HDX: variants seen among roughly 807,000 people sequenced by gnomAD.
The protein encoded by HDX is chromosome X open reading frame 43.
In HDX, 19 loss-of-function variants were observed where a neutral mutation model predicts 45.2. The ratio of observed to expected loss-of-function variants is 0.42; its 90% CI spans 0.29 to 0.62. The LOEUF (loss-of-function observed/expected upper bound fraction) is 0.62. Ranked by LOEUF, HDX falls within the 20% of genes least tolerant of loss-of-function variation. HDX has a pLI of 0.20. For missense variants in HDX, 532 were observed against 493.9 expected (o/e 1.08, Z -0.73); for synonymous variants, 188 against 172.8 (o/e 1.09, Z -0.69).
At chrX:84,480,525 G>T (rs2148169005) in intron 2 of HDX, among the ~76,000 whole-genome samples, 1 of 111,196 alleles carries the variant, frequency 9.0e-6, no homozygotes, top group Admixed American at 9.6e-5. Flanking sequence ...TCTCTTTTAT[G>T]TTTATTAAAC....
At chrX:84,467,157 C>A (rs922692366) in intron 4 of HDX, among the ~76,000 whole-genome samples, 4 of 111,069 alleles carry the variant, frequency 3.6e-5, no homozygotes, top group Non-Finnish European at 7.5e-5. Context: ...TGATGGAGTT[C>A]TTGTGTTATG....
intron 5 of HDX, among the ~76,000 whole-genome samples, chrX:84,372,834 G>C (rs1297208470): frequency 1.8e-5 from 2 of 110,960 alleles, no homozygotes; most frequent in Non-Finnish European, 3.8e-5. Flanking sequence ...GAGAGACAAG[G>C]CAGTTTAAAT....
chrX:84,423,882 C>A (rs2039326287), intron 5 of HDX, among the ~76,000 whole-genome samples: 1 of 110,782 alleles, frequency 9.0e-6, no homozygotes, highest in African/African-American at 3.3e-5. Flanking sequence ...TGGGGAAAAA[C>A]CGAAAGATTT....
intron 4 of HDX, among the ~76,000 whole-genome samples, chrX:84,461,211 C>T (rs1276874534): frequency 9.0e-6 from 1 of 111,329 alleles, no homozygotes; most frequent in Non-Finnish European, 1.9e-5. Context: ...CCAGAATATC[C>T]AAAGCTATCC....
At chrX:84,394,423 T>G (rs745396971) in intron 5 of HDX, among the ~76,000 whole-genome samples, 1 of 112,146 alleles carries the variant, frequency 8.9e-6, no homozygotes, top group Non-Finnish European at 1.9e-5. Context: ...TATCATATGT[T>G]GTATCCTGGA....
At chrX:84,478,482 T>A (rs1437071204) in intron 2 of HDX, among the ~76,000 whole-genome samples, 1 of 111,999 alleles carries the variant, frequency 8.9e-6, no homozygotes, top group South Asian at 3.7e-4. Flanking sequence ...ATAGATTCGA[T>A]GCCATACTTA....
chrX:84,496,578 A>G (rs1280479314), intron 1 of HDX, among the ~76,000 whole-genome samples: 2 of 111,109 alleles, frequency 1.8e-5, no homozygotes, highest in African/African-American at 6.5e-5. Context: ...ACTGAATTCA[A>G]AATGTTTCTC....
chrX:84,460,844 T>A (rs1385564140), intron 4 of HDX, among the ~76,000 whole-genome samples: 1 of 112,301 alleles, frequency 8.9e-6, no homozygotes, highest in Non-Finnish European at 1.9e-5. Flanking sequence ...CTGAGTTAAG[T>A]TGCAGAATAT....
chrX:84,350,754 G>A (rs2037329718), intron 6 of HDX, among the ~76,000 whole-genome samples: 1 of 111,425 alleles, frequency 9.0e-6, no homozygotes, highest in Non-Finnish European at 1.9e-5. Flanking sequence ...ATCAAGTTAG[G>A]TCATTTTTAA....
At position 84,349,869 on chromosome X, in the gene HDX, T is replaced by C. The variant is rs776901669; in HGVS notation, c.1453-5412A>G. On this transcript the variant is annotated intron_variant, in intron 6 of 10. Coordinates refer to ENST00000373177, the MANE Select transcript of HDX (RefSeq NM_001177479.2). ...TAAGTGGGTGCTAAACAGTGGGTATTCATGGCAATAGAGAGTGGAATAATA... is the reference window on the plus strand; with the variant it reads ...TAAGTGGGTGCTAAACAGTGGGTATCCATGGCAATAGAGAGTGGAATAATA... Among the ~76,000 whole-genome samples, 294 of 109,849 alleles carry C rather than the reference T, an allele frequency of 2.7e-3. 2 individuals are homozygous for C. Among genetic ancestry groups the C allele is most frequent in the African/African-American group, 9.4e-3 (284 of 30,240 alleles).
At chrX:84,378,527 T>G (rs1380757363) in intron 5 of HDX, among the ~76,000 whole-genome samples, 1 of 111,786 alleles carries the variant, frequency 8.9e-6, no homozygotes, top group Non-Finnish European at 1.9e-5. Context: ...AGGTGTAGAA[T>G]ATATATTAGT....
At chrX:84,376,109 A>G (rs888036097) in intron 5 of HDX, among the ~76,000 whole-genome samples, 1 of 112,365 alleles carries the variant, frequency 8.9e-6, no homozygotes, top group Non-Finnish European at 1.9e-5. Flanking sequence ...CCTAGCTCCC[A>G]GACATTTGTA....
chrX:84,383,009 A>C (rs2038225535), intron 5 of HDX, among the ~76,000 whole-genome samples: 1 of 111,292 alleles, frequency 9.0e-6, no homozygotes, highest in Non-Finnish European at 1.9e-5. Context: ...AAATATAAAA[A>C]AAATTCTTGA....
intron 5 of HDX, chrX:84,440,194 C>A (rs1157653795): frequency 1.4e-5 from 2 of 144,836 alleles, no homozygotes; most frequent in Non-Finnish European, 2.6e-5. Context: ...TTATGCAGTA[C>A]TGATTGAGAT....
chrX:84,463,939 C>T (rs766430197), intron 4 of HDX, among the ~76,000 whole-genome samples: 2 of 111,371 alleles, frequency 1.8e-5, no homozygotes, highest in South Asian at 7.5e-4. Flanking sequence ...TTCTTAGTAT[C>T]CTTTAGGATT....
chrX:84,358,470 AT>A (rs1299838476), intron 6 of HDX, among the ~76,000 whole-genome samples: 1 of 111,273 alleles, frequency 9.0e-6, no homozygotes, highest in Non-Finnish European at 1.9e-5. Context: ...CTCTTCAGTC[AT>A]TTTTTTTCTT....
At chrX:84,381,880 T>C (rs1163906435) in intron 5 of HDX, among the ~76,000 whole-genome samples, 1 of 110,691 alleles carries the variant, frequency 9.0e-6, no homozygotes, top group Non-Finnish European at 1.9e-5. Flanking sequence ...AAAAATCTTC[T>C]GCACGACAAA....
chrX:84,416,952 C>T (rs1015667034), intron 5 of HDX, among the ~76,000 whole-genome samples: 1 of 108,950 alleles, frequency 9.2e-6, no homozygotes, highest in Admixed American at 9.9e-5. Flanking sequence ...GTCAGGAATT[C>T]GAGACCAGCC....
At chrX:84,328,046 G>A (rs2036754788) in intron 9 of HDX, among the ~76,000 whole-genome samples, 1 of 110,493 alleles carries the variant, frequency 9.1e-6, no homozygotes, top group Non-Finnish European at 1.9e-5. Flanking sequence ...TTGAACTCCT[G>A]GTCTCAAGCG....
Sources: allele counts gnomAD v4.1 joint callset (sites outside exome capture counted in the v4.1 genomes callset), GRCh38; gene constraint gnomAD v4.1.1; transcripts MANE v1.5; gene names NCBI Gene and HGNC (gene_info 2026-07-23, HGNC 2026-07-21).